Variants in PRDM11 observed in about 807,000 individuals in gnomAD.
The protein encoded by PRDM11 is PR/SET domain 11, also known as PR domain-containing protein 11.
In PRDM11, 20 loss-of-function variants were observed where a neutral mutation model predicts 97.8. The ratio of observed to expected loss-of-function variants is 0.20; its 90% confidence interval spans 0.14 to 0.30. The LOEUF is 0.30. PRDM11 is among the 10% of genes least tolerant of loss of function. PRDM11 has a pLI of 1.00. For missense variants in PRDM11, 1,139 were observed against 1,555.2 expected, an observed-to-expected ratio of 0.73 and a Z score of 4.50; for synonymous variants, 599 against 637.7, an observed-to-expected ratio of 0.94 and a Z score of 0.91.
intron 1 of PRDM11, among the ~76,000 whole-genome samples, chr11:45,120,172 C>T (rs1202052382): frequency 6.6e-6 from 1 of 152,078 alleles, no homozygotes; most frequent in Non-Finnish European, 1.5e-5. Context: ...AAATTATCCA[C>T]ACTGAAGCAC....
chr11:45,160,109 C>T (rs1173651131), intron 1 of PRDM11, among the ~76,000 whole-genome samples: 1 of 152,180 alleles, frequency 6.6e-6, no homozygotes, highest in Non-Finnish European at 1.5e-5. Context: ...AAGGCTTTTG[C>T]TCTGACTTCC....
intron 1 of PRDM11, among the ~76,000 whole-genome samples, chr11:45,117,790 C>A (rs546384919): frequency 1.0e-3 from 155 of 152,222 alleles, no homozygotes; most frequent in African/African-American, 3.5e-3. Flanking sequence ...CACAGCTCCC[C>A]ACTCTTTAGG....
intron 1 of PRDM11, among the ~76,000 whole-genome samples, chr11:45,167,923 A>G (rs544181109): frequency 7.9e-5 from 12 of 152,244 alleles, no homozygotes; most frequent in African/African-American, 2.6e-4. Context: ...TCTGATTTAG[A>G]CTAGTGCATC....
At chr11:45,217,050 G>A (rs1441294716) in intron 5 of PRDM11, among the ~76,000 whole-genome samples, 1 of 152,208 alleles carries the variant, frequency 6.6e-6, no homozygotes, top group Non-Finnish European at 1.5e-5. Context: ...GAAAAAAGAC[G>A]AATGAATGGT....
chr11:45,143,735 C>CA (rs1194926144), upstream of PRDM11, among the ~76,000 whole-genome samples: 2 of 152,056 alleles, frequency 1.3e-5, no homozygotes, highest in Non-Finnish European at 2.9e-5. Flanking sequence ...TCTCTGCCTG[C>CA]AAAAAATAGT....
intron 4 of PRDM11, among the ~76,000 whole-genome samples, chr11:45,187,548 C>G (rs1275524391): frequency 1.3e-5 from 2 of 152,182 alleles, no homozygotes; most frequent in Non-Finnish European, 2.9e-5. Context: ...ACTAGCTCCA[C>G]CAGTCACGAG....
chr11:45,122,943 T>C (rs540563970), intron 1 of PRDM11, among the ~76,000 whole-genome samples: 11 of 150,964 alleles, frequency 7.3e-5, no homozygotes, highest in Admixed American at 3.3e-4. Flanking sequence ...GTTGAACTAG[T>C]TTACTAGTCC....
chr11:45,179,417 G>T (rs1463065191), intron 1 of PRDM11, among the ~76,000 whole-genome samples: 1 of 152,192 alleles, frequency 6.6e-6, no homozygotes, highest in Non-Finnish European at 1.5e-5. Context: ...TCTAGATGAA[G>T]AAATGAGAAC....
chr11:45,225,179 T>G (rs2135854741), intron 7 of PRDM11: 1 of 1,268,304 alleles, frequency 7.9e-7, no homozygotes, highest in Non-Finnish European at 1.0e-6. Context: ...AGTCTTTCTC[T>G]GTCCCCAGTC....
intron 1 of PRDM11, among the ~76,000 whole-genome samples, chr11:45,126,856 C>T (rs1439626930): frequency 4.6e-5 from 7 of 152,120 alleles, no homozygotes; most frequent in East Asian, 1.9e-4. Context: ...TGGTGTTCTC[C>T]GTATTTCCTG....
chr11:45,153,252 A>G (rs1218975382), intron 1 of PRDM11, among the ~76,000 whole-genome samples: 1 of 152,230 alleles, frequency 6.6e-6, no homozygotes, highest in African/African-American at 2.4e-5. Context: ...TGGCAGGGAA[A>G]GGGAACTGAG....
chr11:45,203,476 A>C (rs1050877279), intron 4 of PRDM11, among the ~76,000 whole-genome samples: 6 of 152,082 alleles, frequency 3.9e-5, no homozygotes, highest in African/African-American at 1.4e-4. Context: ...AGATGGGAGA[A>C]ACCCCGGATT....
intron 1 of PRDM11, among the ~76,000 whole-genome samples, chr11:45,137,230 T>G (rs1388080333): frequency 1.3e-5 from 2 of 150,456 alleles, no homozygotes; most frequent in Non-Finnish European, 3.0e-5. Flanking sequence ...GTCAGGAATT[T>G]GAGACCAGCC....
rs557687936 is a variant in PRDM11 at position 45,183,213 on chromosome 11, C to T, written c.486+90C>T. On this transcript the variant is annotated intron_variant, in intron 4 of 7. Coordinates refer to ENST00000683152, the MANE Select transcript of PRDM11 (RefSeq NM_001384648.1). Reference sequence around the variant, plus strand: ...GGAGCCATACTGGCCCAGCTTGGCCCCAGAACTTTTCTACCATCGCTTCTG... The same window carrying T: ...GGAGCCATACTGGCCCAGCTTGGCCTCAGAACTTTTCTACCATCGCTTCTG... The T allele has an allele frequency of 4.8e-6, 7 of 1,456,048 alleles. 1 individual carries two copies. The South Asian group carries it at 7.1e-5, about 15-fold the overall frequency. 90.2% of individuals were successfully genotyped at this position (1,456,048 alleles called of 1,614,324 possible).
intron 4 of PRDM11, among the ~76,000 whole-genome samples, chr11:45,203,623 A>ATT (rs3052176): frequency 0.58 from 83,134 of 143,802 alleles, 26,535 homozygotes; most frequent in Non-Finnish European, 0.74. Flanking sequence ...TACTCCCATA[A>ATT]TTTTTTTTTT....
intron 4 of PRDM11, among the ~76,000 whole-genome samples, chr11:45,186,010 G>A (rs916097732): frequency 2.0e-5 from 3 of 152,002 alleles, no homozygotes; most frequent in African/African-American, 7.2e-5. Context: ...GTCAAGGGAT[G>A]CAGGCAGCTT....
At position 45,224,250 on chromosome 11, in the gene PRDM11, A is replaced by G; in HGVS notation, c.776A>G (p.Gln259Arg). ...AGGTTGCAGAGGGAGAAGTCTGAGC[A>G]GGTTCTGGATAACCCAGAAGACCTG... is the stretch of plus-strand genomic sequence containing the variant. Reference protein sequence around the residue: ...EKRLQREKSEQVLDNPEDLRG... With the variant: ...EKRLQREKSERVLDNPEDLRG... The change falls in exon 7 of 8, where the codon CAG (glutamine) becomes CGG (arginine). Residue 259 changes from glutamine (Q) to arginine (R), a missense_variant. Around this residue, in one of 2 missense-constraint regions of PRDM11, gnomAD observed 429 missense variants for 510.3 expected, o/e 0.84. Transcript: ENST00000683152. The G allele has an allele frequency of 6.2e-7, 1 of 1,607,270 alleles. No individual in the cohort carries two copies. Among genetic ancestry groups the G allele is most frequent in the South Asian group, 1.1e-5 (1 of 89,682 alleles).
At chr11:45,139,754 C>T (rs912454837) in intron 1 of PRDM11, among the ~76,000 whole-genome samples, 1 of 151,978 alleles carries the variant, frequency 6.6e-6, no homozygotes, top group African/African-American at 2.4e-5. Context: ...AATATCCATT[C>T]GTTTATGTGC....
intron 1 of PRDM11, among the ~76,000 whole-genome samples, chr11:45,119,105 T>C (rs1432443239): frequency 6.6e-6 from 1 of 152,198 alleles, no homozygotes; most frequent in Non-Finnish European, 1.5e-5. Context: ...TTCTGTGTTC[T>C]GGAGCTACAG....
Sources: gnomAD v4.1 joint callset for allele counts (sites outside exome capture counted in the v4.1 genomes callset) on GRCh38, gnomAD v4.1.1 for gene constraint, gnomAD v4.1.1 regional missense constraint, MANE v1.5 for transcripts, NCBI Gene and HGNC (gene_info 2026-07-23, HGNC 2026-07-21) for gene names.